CD37: variants seen among roughly 807,000 people sequenced by gnomAD.
CD37 encodes leukocyte antigen CD37.
A neutral mutation model predicts 38.9 loss-of-function variants in CD37; 37 were observed. The observed-to-expected ratio is 0.95, with a 90% CI of 0.73 to 1.25. CD37 has a LOEUF of 1.25. Among genes scored for constraint, CD37 ranks in the 50% most tolerant of loss-of-function variants. CD37 has a pLI of 0.00. For synonymous variants in CD37, 146 were observed against 150.1 expected (o/e 0.97, Z 0.20); for missense variants, 351 against 360.1 (o/e 0.97, Z 0.20).
rs1297435010 is a variant in CD37 at position 49,338,430 on chromosome 19, C to T, written c.448-270C>T. 6.6e-6 allele frequency among the ~76,000 whole-genome samples: 1 copy of T among 151,982 alleles called. No individual in the cohort carries two copies. The highest frequency in any genetic ancestry group is 2.4e-5 in the African/African-American group (1 of 41,352). On this transcript the variant is annotated intron_variant, in intron 5 of 7. Coordinates refer to ENST00000323906, the MANE Select transcript of CD37 (RefSeq NM_001774.3). This position sits in a 1 kb window ranked among gnomAD's most constrained non-coding sequence, Gnocchi z 5.0. The stretch of plus-strand genomic sequence containing the variant: ...CTGTCGGGTATCAGAGGCTCAATTG[C>T]ACCACCCACCCAATCTCTAGTCCAC...
In CD37 at chr19:49,337,529, G is replaced by A. The variant is rs146558472; in HGVS notation, c.342+308G>A. 1.7e-3 allele frequency: 1,410 copies of A among 838,436 alleles called. 11 individuals are homozygous for A. In the African/African-American group the frequency reaches 0.023, roughly 14 times the overall value. 51.9% of individuals were successfully genotyped at this position (838,436 alleles called of 1,614,324 possible). On this transcript the variant is annotated intron_variant, in intron 4 of 7. Coordinates refer to ENST00000323906, the MANE Select transcript of CD37 (RefSeq NM_001774.3). Reference sequence around the variant, plus strand: ...CCCAGCTACTTGGGAGGTCGAGGTGGGAGGATCACTTGAGCCAGGGAGTTT... The same window carrying A: ...CCCAGCTACTTGGGAGGTCGAGGTGAGAGGATCACTTGAGCCAGGGAGTTT...
At chr19:49,336,594 G>T in intron 2 of CD37, 1 of 280,424 alleles carries the variant, frequency 3.6e-6, no homozygotes, top group East Asian at 8.1e-5. Context: ...CATCTCCTAT[G>T]CCTCAGGGAG....
Position 49,338,848 on chromosome 19 carries a change from C to T in CD37, c.596C>T (p.Pro199Leu), listed in dbSNP as rs200739819. The T allele has an allele frequency of 1.3e-5, 21 of 1,614,144 alleles. No individual in the cohort carries two copies. In the African/African-American group the frequency reaches 2.4e-4, roughly 18 times the overall value. Residue 199 changes from proline to leucine, a missense_variant, in exon 6 of 8, where the codon CCC becomes CTC. Coordinates refer to ENST00000323906, the MANE Select transcript of CD37 (RefSeq NM_001774.3). The surrounding 1 kb of genome is among the most constrained non-coding windows in gnomAD (Gnocchi z 5.0). ...ACAATCCTAGATAAGGTGATCTTGC[C>T]CCAGCTCAGCAGGCTTGGACACCTG... is the stretch of plus-strand genomic sequence containing the variant. The part of the protein sequence containing the change: ...DSTILDKVIL[P>L]QLSRLGHLAR...
In CD37 at chr19:49,339,779, G is replaced by T; in HGVS notation, c.768+366G>T. 2 of 1,365,260 alleles carry T rather than the reference G, an allele frequency of 1.5e-6. No individual in the cohort carries two copies. The highest frequency in any genetic ancestry group is 1.9e-6 in the Non-Finnish European group (2 of 1,060,300). The allele number at this position is 1,365,260 out of a possible 1,614,324, so 84.6% of individuals were successfully genotyped here. ...CCCAGCCTGATCGCTGACGGCGGCGGCGGGCACAGCGGCAGTCTGTGGGGT... is the reference window on the plus strand; with the variant it reads ...CCCAGCCTGATCGCTGACGGCGGCGTCGGGCACAGCGGCAGTCTGTGGGGT... On this transcript the variant is annotated intron_variant, in intron 7 of 7. Coordinates refer to ENST00000323906, the MANE Select transcript of CD37 (RefSeq NM_001774.3). This position sits in a 1 kb window ranked among gnomAD's most constrained non-coding sequence, Gnocchi z 4.5.
intron 2 of CD37, 176 bp from the exon 3 acceptor site, chr19:49,336,733 C>A: frequency 1.6e-6 from 1 of 611,350 alleles, no homozygotes; most frequent in South Asian, 2.1e-5. Context: ...GGAAACAGGC[C>A]CAGAAAGAAG....
Position 49,338,975 on chromosome 19 carries a change from C to T in CD37, c.684+39C>T, listed in dbSNP as rs754119182. 1 of 1,255,940 alleles carries T rather than the reference C, an allele frequency of 8.0e-7. No homozygotes were observed. The highest frequency in any genetic ancestry group is 1.8e-5 in the Admixed American group (1 of 55,778). 77.8% of individuals were successfully genotyped at this position (1,255,940 alleles called of 1,614,324 possible). A position where few individuals can be genotyped will look rare whatever the true frequency, so the allele number is the denominator to read the frequency against. On this transcript the variant is annotated intron_variant, in intron 6 of 7. Transcript: ENST00000323906. This position sits in a 1 kb window ranked among gnomAD's most constrained non-coding sequence, Gnocchi z 5.0. ...CGGAGCATAAACCTGTCGAATGGGG[C>T]GGGGCCTGCGGGAGGGGGAGGGCTG...
chr19:49,337,485 G>C (rs931730350), intron 4 of CD37: 14 of 623,844 alleles, frequency 2.2e-5, no homozygotes, highest in Non-Finnish European at 3.4e-5. Flanking sequence ...ATCCGGGTGT[G>C]ATGGTGTGCA....
chr19:49,339,961 G>A lies in CD37; in HGVS notation c.769-290G>A, dbSNP rs138430628. The A allele has an allele frequency of 2.0e-4, 277 of 1,409,598 alleles. 2 individuals carry two copies. In the East Asian group the frequency reaches 6.7e-3, roughly 34 times the overall value. 87.3% of individuals were successfully genotyped at this position (1,409,598 alleles called of 1,614,324 possible). On this transcript the variant is annotated intron_variant, in intron 7 of 7. Coordinates refer to ENST00000323906, the MANE Select transcript of CD37 (RefSeq NM_001774.3). This position sits in a 1 kb window ranked among gnomAD's most constrained non-coding sequence, Gnocchi z 4.5. ...AGAATTAGAGGAGGCACAATTAGAG[G>A]CTGAGGCAGAGGGGGAAGACAGATG...
Position 49,339,694 on chromosome 19 carries a change from A to G in CD37, c.768+281A>G, listed in dbSNP as rs1335947764. 2.1e-6 allele frequency: 3 copies of G among 1,412,894 alleles called. No homozygotes were observed. The highest frequency in any genetic ancestry group is 2.8e-6 in the Non-Finnish European group (3 of 1,089,094). 87.5% of individuals were successfully genotyped at this position (1,412,894 alleles called of 1,614,324 possible). ...GGTGCTGAGCGTACAGCTACAGCGC[A>G]GGGCACTCCGCCGGAAATGCGAGCC... On this transcript the variant is annotated intron_variant, in intron 7 of 7. Transcript: ENST00000323906. The surrounding 1 kb of genome is among the most constrained non-coding windows in gnomAD (Gnocchi z 4.5).
At chr19:49,340,036 C>G (rs1971155756) in intron 7 of CD37, 2 of 1,488,652 alleles carry the variant, frequency 1.3e-6, no homozygotes, top group Non-Finnish European at 1.8e-6. Flanking sequence ...TACTCCTTCT[C>G]AGCCTCTACC....
At chr19:49,337,406 G>A (rs1970997205) in intron 4 of CD37, among the ~76,000 whole-genome samples, 185 bp downstream of exon 4, 1 of 152,164 alleles carries the variant, frequency 6.6e-6, no homozygotes, top group Admixed American at 6.5e-5. Context: ...GGGAGGCTGA[G>A]GTGGGAGTCC....
intron 2 of CD37, chr19:49,336,002 A>G: frequency 1.7e-6 from 1 of 587,272 alleles, no homozygotes; most frequent in Non-Finnish European, 3.0e-6. Context: ...TTTCTCAAGC[A>G]CTTCCTATCT....
chr19:49,338,855 C>T lies in CD37; in HGVS notation c.603C>T (p.Leu201=). The change falls in exon 6 of 8, where the codon CTC becomes CTT. Residue 201 remains leucine (L), a synonymous_variant. Coordinates refer to ENST00000323906, the MANE Select transcript of CD37 (RefSeq NM_001774.3). This position sits in a 1 kb window ranked among gnomAD's most constrained non-coding sequence, Gnocchi z 5.0. ...TAGATAAGGTGATCTTGCCCCAGCT[C>T]AGCAGGCTTGGACACCTGGCGCGGT... The part of the protein sequence containing the change: ...TILDKVILPQ[L]SRLGHLARSR... 2 of 1,614,180 alleles carry T rather than the reference C, an allele frequency of 1.2e-6. No individual in the cohort carries two copies. The highest frequency in any genetic ancestry group is 1.7e-6 in the Non-Finnish European group (2 of 1,180,032).
Position 49,338,853 on chromosome 19 carries a change from C to T in CD37, c.601C>T (p.Leu201Phe), listed in dbSNP as rs965715671. 6.2e-7 allele frequency: 1 copy of T among 1,614,172 alleles called. No homozygotes were observed. The highest frequency in any genetic ancestry group is 8.5e-7 in the Non-Finnish European group (1 of 1,180,036). The stretch of plus-strand genomic sequence containing the variant: ...CCTAGATAAGGTGATCTTGCCCCAG[C>T]TCAGCAGGCTTGGACACCTGGCGCG... ...TILDKVILPQ[L>F]SRLGHLARSR... Residue 201 changes from leucine (L) to phenylalanine (F), a missense_variant, in exon 6 of 8, where the codon CTC becomes TTC. Transcript: ENST00000323906. The surrounding 1 kb of genome is among the most constrained non-coding windows in gnomAD (Gnocchi z 5.0).
Position 49,339,867 on chromosome 19 carries a change from C to A in CD37, c.769-384C>A. On this transcript the variant is annotated intron_variant, in intron 7 of 7. Coordinates refer to ENST00000323906, the MANE Select transcript of CD37 (RefSeq NM_001774.3). The surrounding 1 kb of genome is among the most constrained non-coding windows in gnomAD (Gnocchi z 4.5). ...ACAAGGCACCGCAGGGCAAGCTGCC[C>A]ATGGCCCTGGGGCTCTGGCCGCTGT... 10 of 1,339,190 alleles carry A rather than the reference C, an allele frequency of 7.5e-6. No homozygotes were observed. Among genetic ancestry groups the A allele is most frequent in the Non-Finnish European group, 8.7e-6 (9 of 1,039,898 alleles). The allele number at this position is 1,339,190 out of a possible 1,614,324, so 83.0% of individuals were successfully genotyped here.
chr19:49,339,736 G>C lies in CD37; in HGVS notation c.768+323G>C, dbSNP rs910644685. 1 of 1,398,006 alleles carries C rather than the reference G, an allele frequency of 7.2e-7. No homozygotes were observed. Among genetic ancestry groups the C allele is most frequent in the Non-Finnish European group, 9.3e-7 (1 of 1,080,764 alleles). 86.6% of individuals were successfully genotyped at this position (1,398,006 alleles called of 1,614,324 possible). On this transcript the variant is annotated intron_variant, in intron 7 of 7. Transcript: ENST00000323906. The surrounding 1 kb of genome is among the most constrained non-coding windows in gnomAD (Gnocchi z 4.5). Reference sequence around the variant, plus strand: ...ATGCGAGCCGCACGTGCCGGGCGCTGGGGATTCGAGCCCCGGGCCCAGCCT... The same window carrying C: ...ATGCGAGCCGCACGTGCCGGGCGCTCGGGATTCGAGCCCCGGGCCCAGCCT...
At chr19:49,337,114 T>C in intron 3 of CD37, 33 bp from the exon 4 acceptor site, 1 of 1,613,814 alleles carries the variant, frequency 6.2e-7, no homozygotes, top group Non-Finnish European at 8.5e-7. Flanking sequence ...GTTGCAGGGG[T>C]GGTCAGCCTG....
Position 49,338,656 on chromosome 19 carries a change from T to C in CD37, c.448-44T>C, listed in dbSNP as rs759836844. 14 of 1,416,036 alleles carry C rather than the reference T, an allele frequency of 9.9e-6. No homozygotes were observed. In the African/African-American group the frequency reaches 1.3e-4, roughly 13 times the overall value. The allele number at this position is 1,416,036 out of a possible 1,614,324, so 87.7% of individuals were successfully genotyped here. On this transcript the variant is annotated intron_variant, in intron 5 of 7. Transcript: ENST00000323906. This position sits in a 1 kb window ranked among gnomAD's most constrained non-coding sequence, Gnocchi z 5.0. ...CCTTGTCCCCTGATCCCCAACATCATATGTCTCCAGTCCCGGTCCCTCTGA... is the reference window on the plus strand; with the variant it reads ...CCTTGTCCCCTGATCCCCAACATCACATGTCTCCAGTCCCGGTCCCTCTGA...
Position 49,340,295 on chromosome 19 carries a change from C to A in CD37, c.813C>A (p.Asp271Glu). Residue 271 changes from aspartate (D) to glutamate (E), a missense_variant, in exon 8 of 8, where the codon GAC becomes GAA. By Grantham distance (45) the Asp-to-Glu change is conservative. Coordinates refer to ENST00000323906, the MANE Select transcript of CD37 (RefSeq NM_001774.3). ...TLSIFLCRNL[D>E]HVYNRLARYR Reference sequence around the variant, plus strand: ...CGATATTCCTGTGCAGAAACCTGGACCACGTCTACAACCGGCTCGCTCGAT... The same window carrying A: ...CGATATTCCTGTGCAGAAACCTGGAACACGTCTACAACCGGCTCGCTCGAT... 1 of 1,613,866 alleles carries A rather than the reference C, an allele frequency of 6.2e-7. No individual in the cohort carries two copies. The highest frequency in any genetic ancestry group is 8.5e-7 in the Non-Finnish European group (1 of 1,179,878).
Sources: gnomAD v4.1 joint callset for allele counts (sites outside exome capture counted in the v4.1 genomes callset) on GRCh38, gnomAD v4.1.1 for gene constraint, Gnocchi (gnomAD v3.1) non-coding constraint, MANE v1.5 for transcripts, NCBI Gene and HGNC (gene_info 2026-07-23, HGNC 2026-07-21) for gene names.